MAF: variants seen among roughly 807,000 people sequenced by gnomAD.
MAF encodes transcription factor Maf.
In MAF, 10 loss-of-function variants were observed where a neutral mutation model predicts 22.0. The ratio of observed to expected loss-of-function variants is 0.45; its 90% CI spans 0.28 to 0.77. The LOEUF (loss-of-function observed/expected upper bound fraction) is 0.77, where lower values mean the gene tolerates loss of function less well. Ranked by LOEUF, MAF falls within the 30% of genes least tolerant of loss-of-function variation. The pLI is 0.12. For missense variants in MAF, 544 were observed against 548.4 expected (o/e 0.99, Z 0.08); for synonymous variants, 337 against 255.8 (o/e 1.32, Z -3.03).
chr16:79,517,626 G>A, the MAF span, among the ~76,000 whole-genome samples: 1 of 139,624 alleles, frequency 7.2e-6, no homozygotes, highest in Admixed American at 7.7e-5. Flanking sequence ...CCAGACTGGA[G>A]TGCGATGGCA....
the MAF span, among the ~76,000 whole-genome samples, chr16:79,223,105 C>T: frequency 6.6e-6 from 1 of 151,610 alleles, no homozygotes; most frequent in Admixed American, 6.7e-5. Flanking sequence ...GTAAAATTGA[C>T]CACATAATTG....
chr16:79,566,563 A>C, the MAF span, among the ~76,000 whole-genome samples: 4 of 152,168 alleles, frequency 2.6e-5, no homozygotes, highest in East Asian at 5.8e-4. Flanking sequence ...CATTCCTTTC[A>C]CTCTGCACCC....
At chr16:79,323,617 G>A in the MAF span, among the ~76,000 whole-genome samples, 1 of 152,172 alleles carries the variant, frequency 6.6e-6, no homozygotes, top group Admixed American at 6.5e-5. Flanking sequence ...GGTGCGTCTG[G>A]TGATGGGACC....
chr16:79,243,678 A>G, the MAF span, among the ~76,000 whole-genome samples: 2 of 152,038 alleles, frequency 1.3e-5, no homozygotes, highest in Non-Finnish European at 2.9e-5. Flanking sequence ...ACTATTTCAA[A>G]CAACAGAAAA....
the MAF span, among the ~76,000 whole-genome samples, chr16:79,317,150 T>C: frequency 7.2e-6 from 1 of 139,218 alleles, no homozygotes; most frequent in Admixed American, 7.2e-5. Flanking sequence ...CTTCCCTCCC[T>C]CCCTTCCTCC....
At chr16:79,250,577 T>G in the MAF span, among the ~76,000 whole-genome samples, 2 of 152,190 alleles carry the variant, frequency 1.3e-5, no homozygotes, top group African/African-American at 2.4e-5. Context: ...CTTGTTCTGG[T>G]GCTTGGGGAA....
chr16:79,502,360 G>GA, the MAF span, among the ~76,000 whole-genome samples: 109 of 152,072 alleles, frequency 7.2e-4, 2 homozygotes, highest in Admixed American at 2.6e-4. Context: ...AGAACAACGT[G>GA]AAAAACAGAC....
At chr16:79,304,641 G>T in the MAF span, among the ~76,000 whole-genome samples, 1 of 152,098 alleles carries the variant, frequency 6.6e-6, no homozygotes, top group Non-Finnish European at 1.5e-5. Context: ...TATGAAAAAT[G>T]GTGGTGGGAG....
chr16:79,347,852 C>T, the MAF span, among the ~76,000 whole-genome samples: 2 of 152,002 alleles, frequency 1.3e-5, no homozygotes, highest in Admixed American at 6.5e-5. Flanking sequence ...TTGTCCCAGG[C>T]GAGAACAGTG....
chr16:79,256,122 C>T, the MAF span, among the ~76,000 whole-genome samples: 2 of 151,344 alleles, frequency 1.3e-5, no homozygotes, highest in South Asian at 2.1e-4. Flanking sequence ...GCTGGGACTA[C>T]AGGCACATGC....
the MAF span, among the ~76,000 whole-genome samples, chr16:79,279,357 G>C: frequency 1.3e-5 from 2 of 152,186 alleles, no homozygotes; most frequent in African/African-American, 4.8e-5. Flanking sequence ...GAGAAAATGG[G>C]GCTGAAAGTT....
the MAF span, among the ~76,000 whole-genome samples, chr16:79,500,543 T>A: frequency 7.2e-5 from 11 of 152,172 alleles, no homozygotes; most frequent in Non-Finnish European, 1.3e-4. Flanking sequence ...TCTAAGCCAC[T>A]GTTTCTTCAC....
the MAF span, among the ~76,000 whole-genome samples, chr16:79,271,844 G>A: frequency 6.6e-6 from 1 of 152,214 alleles, no homozygotes; most frequent in Non-Finnish European, 1.5e-5. Context: ...CACCAGGGAG[G>A]TGATGAGGAA....
chr16:79,307,424 C>A, the MAF span, among the ~76,000 whole-genome samples: 130 of 152,330 alleles, frequency 8.5e-4, no homozygotes, highest in African/African-American at 3.0e-3. Flanking sequence ...TGCTTTCGAG[C>A]CTGGCTAGAA....
chr16:79,412,866 G>C, the MAF span, among the ~76,000 whole-genome samples: 1 of 152,238 alleles, frequency 6.6e-6, no homozygotes, highest in Non-Finnish European at 1.5e-5. Flanking sequence ...TGATCCATCA[G>C]TGCTTGTCCT....
the MAF span, among the ~76,000 whole-genome samples, chr16:79,468,241 C>T: frequency 1.4e-4 from 21 of 152,326 alleles, no homozygotes; most frequent in African/African-American, 2.6e-4. Context: ...ATGACACCCA[C>T]GGAGTCCCCA....
the MAF span, among the ~76,000 whole-genome samples, chr16:79,283,110 C>A: frequency 6.6e-6 from 1 of 152,186 alleles, no homozygotes; most frequent in African/African-American, 2.4e-5. Flanking sequence ...TCTCTGGTAA[C>A]TGCAACCAGC....
At chr16:79,204,980 T>G in the MAF span, 3 of 152,176 alleles carry the variant, frequency 2.0e-5, no homozygotes, top group South Asian at 2.1e-4. Flanking sequence ...CTCATGTCTT[T>G]TGTCAGGGAG....
the MAF span, among the ~76,000 whole-genome samples, chr16:79,390,895 A>G: frequency 6.6e-6 from 1 of 152,162 alleles, no homozygotes; most frequent in African/African-American, 2.4e-5. Flanking sequence ...GCTGTCTTTC[A>G]AAGGCCATCT....
Sources: gnomAD v4.1 joint callset for allele counts (sites outside exome capture counted in the v4.1 genomes callset) on GRCh38, gnomAD v4.1.1 for gene constraint, MANE v1.5 for transcripts, NCBI Gene and HGNC (gene_info 2026-07-23, HGNC 2026-07-21) for gene names.